Variants in PARVB observed in about 807,000 individuals in gnomAD.
PARVB encodes beta-parvin.
PARVB carries 46 observed loss-of-function variants against 47.0 expected under a neutral mutation model. That is an observed-to-expected ratio of 0.98 (90% CI 0.77 to 1.25). The LOEUF (loss-of-function observed/expected upper bound fraction) is 1.25. Among genes scored for constraint, PARVB ranks in the 50% most tolerant of loss-of-function variants. The probability of loss-of-function intolerance (pLI) is 0.00; values close to 1 mark genes in which losing one functional copy is unlikely to be tolerated. For missense variants in PARVB, 473 were observed against 471.6 expected, an observed-to-expected ratio of 1.00 and a Z score of -0.03; for synonymous variants, 196 against 196.3, an observed-to-expected ratio of 1.00 and a Z score of 0.01.
At chr22:44,147,508 TG>T (rs1423702452) in intron 8 of PARVB, 11 of 384,438 alleles carry the variant, frequency 2.9e-5, no homozygotes, top group Middle Eastern at 8.9e-4. Flanking sequence ...ACAAGGAGTG[TG>T]GGAACAGGGA....
intron 11 of PARVB, among the ~76,000 whole-genome samples, chr22:44,160,180 G>C (rs946811043): frequency 6.6e-6 from 1 of 152,158 alleles, no homozygotes; most frequent in Non-Finnish European, 1.5e-5. Context: ...GCACCCATTG[G>C]TCATCATTTT....
chr22:44,102,608 T>C (rs1268403736), intron 3 of PARVB, among the ~76,000 whole-genome samples: 2 of 151,674 alleles, frequency 1.3e-5, no homozygotes, highest in African/African-American at 4.8e-5. Flanking sequence ...GAGGCCAAGG[T>C]TGGGGGGAAT....
chr22:44,168,318 C>A (rs938798929), intron 12 of PARVB: 1 of 397,120 alleles, frequency 2.5e-6, no homozygotes, highest in Admixed American at 4.0e-5. Flanking sequence ...TTAGACATGT[C>A]CTGATGCAGA....
At chr22:44,021,069 C>T (rs2050641929), upstream of PARVB, among the ~76,000 whole-genome samples, 1 of 152,216 alleles carries the variant, frequency 6.6e-6, no homozygotes, top group African/African-American at 2.4e-5. Flanking sequence ...AGACGTGAGC[C>T]ACCACGCCTG....
At chr22:44,034,260 ATACATATATATGTTTGAGATGGGTG>A (rs2050876114) in intron 1 of PARVB, among the ~76,000 whole-genome samples, 1 of 124,790 alleles carries the variant, frequency 8.0e-6, no homozygotes. Flanking sequence ...GGGTGTCTTT[ATACATATATATGTTTGAGATGGGTG>A]TCTTTATACA....
intron 1 of PARVB, among the ~76,000 whole-genome samples, chr22:44,053,412 A>G (rs966635170): frequency 6.6e-6 from 1 of 152,080 alleles, no homozygotes; most frequent in African/African-American, 2.4e-5. Context: ...GTTCTCAGTG[A>G]TGGGCATTTA....
chr22:44,055,961 C>T (rs2051303041), intron 1 of PARVB, among the ~76,000 whole-genome samples: 1 of 152,208 alleles, frequency 6.6e-6, no homozygotes, highest in African/African-American at 2.4e-5. Flanking sequence ...AACACCTTCA[C>T]AGGCACGCCC....
chr22:44,097,894 A>C (rs1395830543), intron 2 of PARVB, among the ~76,000 whole-genome samples: 1 of 151,728 alleles, frequency 6.6e-6, no homozygotes, highest in Admixed American at 6.6e-5. Context: ...CAGACGCCCC[A>C]TTCCTCTCAG....
chr22:44,034,026 G>C lies in PARVB; in HGVS notation c.112+9575G>C, dbSNP rs184715685. 1.9e-4 allele frequency among the ~76,000 whole-genome samples: 29 copies of C among 151,846 alleles called. No homozygotes were observed. The South Asian group carries it at 4.2e-3, about 22-fold the overall frequency. On this transcript the variant is annotated intron_variant, in intron 1 of 12. Coordinates refer to ENST00000338758, the MANE Select transcript of PARVB (RefSeq NM_013327.5). ...GGAGGTCCGGGGCGGGGCCTCATGC[G>C]CATATGGTATTCAGAGTTTATTTTT...
chr22:44,131,623 G>A lies in PARVB; in HGVS notation c.513G>A (p.Val171=). The change falls in exon 5 of 13, where the codon GTG becomes GTA. Residue 171 remains valine, a synonymous_variant. Coordinates refer to ENST00000338758, the MANE Select transcript of PARVB (RefSeq NM_013327.5). ...GAGGCTGGGCGCTCCGGTGGAGCGT[G>A]GACTGTGAGTTCCACGCCACAGGGG... The part of the protein sequence containing the change: ...RPRGWALRWS[V]DSIHGKNLVA... 1.2e-6 allele frequency: 2 copies of A among 1,610,512 alleles called. No homozygotes were observed. Among genetic ancestry groups the A allele is most frequent in the African/African-American group, 1.3e-5 (1 of 74,892 alleles).
rs747990557 is a variant in PARVB at position 44,131,559 on chromosome 22, A to G, written c.449A>G (p.Gln150Arg). The G allele has an allele frequency of 6.2e-7, 1 of 1,614,204 alleles. No individual in the cohort carries two copies. Among genetic ancestry groups the G allele is most frequent in the Admixed American group, 1.7e-5 (1 of 60,034 alleles). The part of the protein sequence containing the change: ...QSEIGQKQKL[Q>R]TVLEAVHDLL... ...GAAATAGGGCAGAAACAGAAGCTGC[A>G]GACGGTGCTGGAAGCAGTACATGAC... Residue 150 changes from glutamine to arginine, a missense_variant, in exon 5 of 13, where the codon CAG becomes CGG. Gln to Arg is a conservative substitution (Grantham distance 43). Transcript: ENST00000338758.
At chr22:44,133,884 G>A (rs184648023) in intron 6 of PARVB, among the ~76,000 whole-genome samples, 2 of 152,330 alleles carry the variant, frequency 1.3e-5, no homozygotes, top group East Asian at 1.9e-4. Context: ...GGGTTCGTGT[G>A]TGCAGTTTCC....
chr22:44,095,071 T>C (rs142896731), intron 2 of PARVB, among the ~76,000 whole-genome samples: 1,539 of 145,960 alleles, frequency 0.011, 36 homozygotes, highest in Non-Finnish European at 0.016. Flanking sequence ...CTGGGGACTC[T>C]GGGCTCTGCG....
chr22:44,003,557 C>T (rs2050434021), intron 2 of PARVB, among the ~76,000 whole-genome samples: 1 of 152,154 alleles, frequency 6.6e-6, no homozygotes. Context: ...GCAGCCACGC[C>T]AGGACTGGAC....
chr22:44,051,730 T>C (rs1255085214), intron 1 of PARVB, among the ~76,000 whole-genome samples: 1 of 152,190 alleles, frequency 6.6e-6, no homozygotes, highest in Non-Finnish European at 1.5e-5. Context: ...CTAAAAGGTA[T>C]GTCCAGGTCC....
chr22:44,128,689 G>T (rs574071450), intron 4 of PARVB, among the ~76,000 whole-genome samples: 1 of 152,152 alleles, frequency 6.6e-6, no homozygotes, highest in African/African-American at 2.4e-5. Context: ...TGAGAGCCTC[G>T]CCCACTAGGA....
intron 4 of PARVB, among the ~76,000 whole-genome samples, chr22:44,131,178 G>T (rs2053308824): frequency 6.8e-6 from 1 of 146,146 alleles, no homozygotes; most frequent in Non-Finnish European, 1.5e-5. Flanking sequence ...TCTCACTCAG[G>T]TTGCCCAGGC....
chr22:44,015,390 C>G (rs958098560), intron 2 of PARVB, among the ~76,000 whole-genome samples: 7 of 152,108 alleles, frequency 4.6e-5, no homozygotes, highest in Non-Finnish European at 7.3e-5. Flanking sequence ...GACAGCTGTG[C>G]CAATAGAAAA....
intron 11 of PARVB, among the ~76,000 whole-genome samples, chr22:44,161,783 T>C (rs1569164019): frequency 1.3e-5 from 2 of 152,162 alleles, no homozygotes; most frequent in Non-Finnish European, 2.9e-5. Flanking sequence ...CGCTCCCTGC[T>C]CTCTCCTTAG....
Sources: allele counts gnomAD v4.1 joint callset (sites outside exome capture counted in the v4.1 genomes callset), GRCh38; gene constraint gnomAD v4.1.1; transcripts MANE v1.5; gene names NCBI Gene and HGNC (gene_info 2026-07-23, HGNC 2026-07-21).